The following PDZD2 variants were observed in gnomAD, a reference collection of about 807,000 sequenced individuals.
PDZD2 encodes the protein PDZ domain-containing protein 2.
In PDZD2, 90 loss-of-function variants were observed where a neutral mutation model predicts 220.7. The ratio of observed to expected loss-of-function variants is 0.41; its 90% CI spans 0.34 to 0.49. The LOEUF is 0.49. Ranked by LOEUF, PDZD2 falls within the 20% of genes least tolerant of loss-of-function variation. The pLI, the probability that PDZD2 is intolerant of heterozygous loss-of-function variation, is 0.28. For missense variants in PDZD2, 3,174 were observed against 3,608.5 expected, an observed-to-expected ratio of 0.88 and a Z score of 3.08; for synonymous variants, 1,375 against 1,450.5, an observed-to-expected ratio of 0.95 and a Z score of 1.18.
chr5:31,753,599 T>TGAAA (rs2150180075), intron 1 of PDZD2, among the ~76,000 whole-genome samples: 1 of 98,916 alleles, frequency 1.0e-5, no homozygotes, highest in Non-Finnish European at 2.1e-5. Flanking sequence ...AGACTCTGTC[T>TGAAA]CAAATAAATA....
At chr5:31,653,328 G>A (rs1281400330) in intron 1 of PDZD2, among the ~76,000 whole-genome samples, 1 of 152,044 alleles carries the variant, frequency 6.6e-6, no homozygotes, top group African/African-American at 2.4e-5. Flanking sequence ...AGTACCTAGT[G>A]CAGTGCGTGT....
intron 2 of PDZD2, among the ~76,000 whole-genome samples, chr5:31,803,630 G>T (rs1381019704): frequency 6.6e-6 from 1 of 152,062 alleles, no homozygotes; most frequent in Admixed American, 6.6e-5. Context: ...GGGTTGGTTG[G>T]TTTGTATGTT....
rs1371555032 is a variant in PDZD2, at chr5:32,088,583, C to T, written c.5135C>T (p.Ser1712Phe). 6.2e-7 allele frequency: 1 copy of T among 1,614,186 alleles called. No homozygotes were observed. ...TCAGCCATGGAAAACAGTCCGCTGTCTAAAGTAGCCAGGCATTTTCACAGT... is the reference window on the plus strand; with the variant it reads ...TCAGCCATGGAAAACAGTCCGCTGTTTAAAGTAGCCAGGCATTTTCACAGT... ...ASSAMENSPL[S>F]KVARHFHSPP... Residue 1712 changes from serine (S) to phenylalanine (F), a missense_variant, in exon 20 of 25, where the codon TCT (serine) becomes TTT (phenylalanine). Coordinates refer to ENST00000438447, the MANE Select transcript of PDZD2 (RefSeq NM_178140.4). The surrounding 1 kb of genome is among the most constrained non-coding windows in gnomAD (Gnocchi z 4.6).
intron 2 of PDZD2, among the ~76,000 whole-genome samples, chr5:31,980,663 C>T (rs1750217542): frequency 6.6e-6 from 1 of 152,112 alleles, no homozygotes; most frequent in African/African-American, 2.4e-5. Flanking sequence ...TTATACCTCT[C>T]CAAGGATTTT....
chr5:31,930,923 A>G (rs998070716), intron 2 of PDZD2, among the ~76,000 whole-genome samples: 1 of 149,750 alleles, frequency 6.7e-6, no homozygotes, highest in South Asian at 2.1e-4. Context: ...GAGGGGAGAG[A>G]GGAGCCAAGG....
intron 1 of PDZD2, among the ~76,000 whole-genome samples, chr5:31,738,880 A>G (rs1750066831): frequency 6.8e-6 from 1 of 147,120 alleles, no homozygotes; most frequent in South Asian, 2.2e-4. Context: ...GGATTTTTAA[A>G]TATATATAGA....
intron 1 of PDZD2, among the ~76,000 whole-genome samples, chr5:31,691,217 A>G (rs1277002121): frequency 1.3e-5 from 2 of 148,506 alleles, no homozygotes; most frequent in African/African-American, 5.0e-5. Context: ...CTTCGCGGTG[A>G]GTGTTACAGC....
At chr5:31,720,360 G>C (rs1451911569) in intron 1 of PDZD2, among the ~76,000 whole-genome samples, 3 of 152,098 alleles carry the variant, frequency 2.0e-5, no homozygotes, top group Admixed American at 6.6e-5. Flanking sequence ...CAGTCTAATG[G>C]AATAAACAGA....
At chr5:31,956,240 C>A (rs1747668893) in intron 2 of PDZD2, among the ~76,000 whole-genome samples, 1 of 151,526 alleles carries the variant, frequency 6.6e-6, no homozygotes, top group Admixed American at 6.6e-5. Flanking sequence ...TGTACTGCTG[C>A]TTATTTCTTT....
intron 3 of PDZD2, among the ~76,000 whole-genome samples, chr5:31,990,291 C>T (rs1561280041): frequency 6.6e-6 from 1 of 152,132 alleles, no homozygotes; most frequent in Non-Finnish European, 1.5e-5. Flanking sequence ...AAATAAATCC[C>T]TTCGTTGGCT....
chr5:31,758,533 A>G (rs1032532627), intron 1 of PDZD2, among the ~76,000 whole-genome samples: 7 of 152,238 alleles, frequency 4.6e-5, no homozygotes, highest in Non-Finnish European at 8.8e-5. Context: ...GAGGAGGGAC[A>G]TGACTGGGCC....
chr5:32,016,617 T>C (rs1313753745), intron 6 of PDZD2, among the ~76,000 whole-genome samples: 2 of 152,150 alleles, frequency 1.3e-5, no homozygotes, highest in African/African-American at 4.8e-5. Flanking sequence ...TTAGGCTGCT[T>C]CTATGGGCAG....
intron 7 of PDZD2, among the ~76,000 whole-genome samples, chr5:32,041,098 G>A (rs1484345642): frequency 2.7e-5 from 4 of 148,446 alleles, no homozygotes; most frequent in African/African-American, 7.6e-5. Context: ...CCCCATCTAG[G>A]AAGCGGGGAG....
At chr5:31,844,297 G>A (rs1161981379) in intron 2 of PDZD2, among the ~76,000 whole-genome samples, 1 of 152,162 alleles carries the variant, frequency 6.6e-6, no homozygotes. Context: ...TAAATGGAGT[G>A]AGAGATGTTA....
At chr5:31,963,514 G>T (rs999474033) in intron 2 of PDZD2, among the ~76,000 whole-genome samples, 2 of 152,190 alleles carry the variant, frequency 1.3e-5, no homozygotes, top group Admixed American at 6.5e-5. Flanking sequence ...GCTTGTGTCC[G>T]TGGGAGCAGC....
In PDZD2 at chr5:31,654,848, C is replaced by T. The variant is rs114913500; in HGVS notation, c.-361+15411C>T. ...AATCATATCCTGTCAGTTCTCTGCC[C>T]AAACCTTCCCAGGAGCTTCCCATCT... On this transcript the variant is annotated intron_variant, in intron 1 of 24. Coordinates refer to ENST00000438447, the MANE Select transcript of PDZD2 (RefSeq NM_178140.4). Among the ~76,000 whole-genome samples the T allele has an allele frequency of 2.4e-3, 366 of 152,184 alleles. 3 individuals are homozygous for T. Among genetic ancestry groups the T allele is most frequent in the African/African-American group, 8.5e-3 (354 of 41,502 alleles).
In PDZD2 at chr5:31,757,408, G is replaced by A. The variant is rs905062828; in HGVS notation, c.-360-41481G>A. Among the ~76,000 whole-genome samples, 7 of 152,194 alleles carry A rather than the reference G, an allele frequency of 4.6e-5. No homozygotes were observed. In the South Asian group the frequency reaches 6.2e-4, roughly 14 times the overall value. ...AGATCAAGACCATCCTGGCTAACAC[G>A]GTGAAACCCCATCTCTAAGAAAAAT... On this transcript the variant is annotated intron_variant, in intron 1 of 24. Coordinates refer to ENST00000438447, the MANE Select transcript of PDZD2 (RefSeq NM_178140.4).
At chr5:32,019,990 G>A (rs534572459) in intron 6 of PDZD2, among the ~76,000 whole-genome samples, 2 of 151,810 alleles carry the variant, frequency 1.3e-5, no homozygotes, top group Admixed American at 1.3e-4. Context: ...TGTCCTTAAG[G>A]GGTTTATGTC....
At chr5:31,818,974 T>C (rs967554927) in intron 2 of PDZD2, among the ~76,000 whole-genome samples, 1 of 152,200 alleles carries the variant, frequency 6.6e-6, no homozygotes, top group Non-Finnish European at 1.5e-5. Flanking sequence ...TTGGAAAAGA[T>C]TGTTTTACCA....
Sources: gnomAD v4.1 joint callset for allele counts (sites outside exome capture counted in the v4.1 genomes callset) on GRCh38, gnomAD v4.1.1 for gene constraint, Gnocchi (gnomAD v3.1) non-coding constraint, MANE v1.5 for transcripts, NCBI Gene and HGNC (gene_info 2026-07-23, HGNC 2026-07-21) for gene names.